Variants in COL6A2 observed in about 807,000 individuals in gnomAD.
COL6A2 encodes collagen type VI alpha 2 chain.
COL6A2 carries 90 observed loss-of-function variants against 124.9 expected under a neutral mutation model. The observed-to-expected ratio is 0.72, with a 90% CI of 0.61 to 0.86. The LOEUF is 0.86. COL6A2 is among the 40% of genes least tolerant of loss of function. The pLI, the probability that COL6A2 is intolerant of heterozygous loss-of-function variation, is 0.00. For synonymous variants in COL6A2, 793 were observed against 618.2 expected (o/e 1.28, Z -4.19); for missense variants, 1,607 against 1,502.5 (o/e 1.07, Z -1.15).
At chr21:46,126,625 G>C (rs2078674047) in intron 27 of COL6A2, 84 bp downstream of exon 27, 1 of 1,561,424 alleles carries the variant, frequency 6.4e-7, no homozygotes, top group Non-Finnish European at 8.8e-7. Context: ...GGCTGGGGGA[G>C]GGGCCGTGCA....
At position 46,126,052 on chromosome 21, in the gene COL6A2, C is replaced by T. The variant is rs761863452; in HGVS notation, c.2237C>T (p.Ala746Val). The T allele has an allele frequency of 9.3e-6, 15 of 1,613,024 alleles. No individual in the cohort carries two copies. The highest frequency in any genetic ancestry group is 1.0e-5 in the Non-Finnish European group (12 of 1,180,012). Reference sequence around the variant, plus strand: ...CGGGACGATGACCTCAACTTGCGGGCGCTGTGCGACCGCGACGTCACAGTG... The same window carrying T: ...CGGGACGATGACCTCAACTTGCGGGTGCTGTGCGACCGCGACGTCACAGTG... The part of the protein sequence containing the change: ...DPRDDDLNLR[A>V]LCDRDVTVTA... The change falls in exon 26 of 28, where the codon GCG becomes GTG. Residue 746 changes from alanine to valine, a missense_variant. By Grantham distance (64) the Ala-to-Val change is moderately conservative. Around this residue, in one of 3 missense-constraint regions of COL6A2, gnomAD observed 1,223 missense variants for 1,052.2 expected, o/e 1.16. Coordinates refer to ENST00000300527, the MANE Select transcript of COL6A2 (RefSeq NM_001849.4).
At chr21:46,122,240 C>A in intron 19 of COL6A2, 82 bp downstream of exon 19, 1 of 1,484,912 alleles carries the variant, frequency 6.7e-7, no homozygotes. Context: ...GTAGTTCCCT[C>A]AAGGCCTCCT....
At chr21:46,131,495 G>A (rs2078759323) in intron 27 of COL6A2, among the ~76,000 whole-genome samples, 1 of 152,230 alleles carries the variant, frequency 6.6e-6, no homozygotes, top group South Asian at 2.1e-4. Context: ...GCCAGCTCTA[G>A]GTGTTCTGAG....
intron 21 of COL6A2, 115 bp from the exon 22 acceptor site, chr21:46,124,536 A>G (rs2078628628): frequency 2.9e-6 from 2 of 689,368 alleles, no homozygotes; most frequent in African/African-American, 7.2e-5. Flanking sequence ...TGCACCTGTT[A>G]GCCCCCCCCC....
intron 1 of COL6A2, among the ~76,000 whole-genome samples, chr21:46,109,791 C>T (rs564778353): frequency 1.3e-5 from 2 of 152,324 alleles, no homozygotes; most frequent in South Asian, 4.1e-4. Context: ...GCAGCGGGAA[C>T]AGGCACCTCC....
chr21:46,123,872 T>C (rs1211474699), intron 21 of COL6A2, among the ~76,000 whole-genome samples: 2 of 107,772 alleles, frequency 1.9e-5, no homozygotes, highest in African/African-American at 5.9e-5. Context: ...GGTTGGCAGA[T>C]GGATGGATGG....
At chr21:46,129,087 G>A (rs934366633) in intron 27 of COL6A2, 15 of 1,601,146 alleles carry the variant, frequency 9.4e-6, no homozygotes, top group East Asian at 4.5e-5. Flanking sequence ...CGACTCGCCA[G>A]CCCAAATGCC....
intron 13 of COL6A2, 59 bp from the exon 14 acceptor site, chr21:46,118,971 C>G: frequency 7.5e-7 from 1 of 1,331,814 alleles, no homozygotes; most frequent in African/African-American, 1.4e-5. Context: ...ACCGCACAGG[C>G]GTGACCATGC....
rs1459304231 is a variant in COL6A2 at position 46,132,632 on chromosome 21, C to G, written c.*80C>G. ...CTAAGCGGGCCCGGGTCCCACACGGCCAGCACCGCTGCTCACTCGGACGAC... is the reference window on the plus strand; with the variant it reads ...CTAAGCGGGCCCGGGTCCCACACGGGCAGCACCGCTGCTCACTCGGACGAC... On this transcript the variant is annotated 3_prime_UTR_variant, in exon 28 of 28. Transcript: ENST00000300527. The G allele has an allele frequency of 1.5e-6, 2 of 1,356,420 alleles. No homozygotes were observed. Among genetic ancestry groups the G allele is most frequent in the African/African-American group, 1.4e-5 (1 of 69,456 alleles). The allele number at this position is 1,356,420 out of a possible 1,614,324, so 84.0% of individuals were successfully genotyped here.
rs867782576 is a variant in COL6A2, at chr21:46,132,014, C to T, written c.2522C>T (p.Ser841Phe). The T allele has an allele frequency of 6.2e-7, 1 of 1,610,150 alleles. No individual in the cohort carries two copies. The highest frequency in any genetic ancestry group is 8.5e-7 in the Non-Finnish European group (1 of 1,179,458). ...PVDIVFLLDGSERLGEQNFHK... is the reference protein window; with the variant it reads ...PVDIVFLLDGFERLGEQNFHK... The stretch of plus-strand genomic sequence containing the variant: ...GACATCGTCTTCCTGCTGGACGGCT[C>T]CGAGCGGCTGGGTGAGCAGAACTTC... The change falls in exon 28 of 28, where the codon TCC becomes TTC. Residue 841 changes from serine to phenylalanine, a missense_variant. Coordinates refer to ENST00000300527, the MANE Select transcript of COL6A2 (RefSeq NM_001849.4).
Position 46,132,261 on chromosome 21 carries a change from C to CGCCATCAAT in COL6A2, c.2776_2784dup (p.Asn926_Ile928dup), listed in dbSNP as rs780876483. ...CGCACGTGGGCGCAGGCGTGGTGCA[C>CGCCATCAAT]GCCATCAATGCCATCGTGCGCAGCC... On this transcript the variant is annotated inframe_insertion, in exon 28 of 28. Coordinates refer to ENST00000300527, the MANE Select transcript of COL6A2 (RefSeq NM_001849.4). 3.7e-6 allele frequency: 6 copies of CGCCATCAAT among 1,606,210 alleles called. No individual in the cohort carries two copies. In the East Asian group the frequency reaches 1.3e-4, roughly 36 times the overall value.
intron 27 of COL6A2, among the ~76,000 whole-genome samples, chr21:46,130,513 C>G (rs1601262604): frequency 6.6e-6 from 1 of 152,158 alleles, no homozygotes; most frequent in African/African-American, 2.4e-5. Context: ...CCAGGCTGGT[C>G]TTCCCACTGT....
At chr21:46,122,263 A>T in intron 19 of COL6A2, 105 bp downstream of exon 19, 1 of 1,365,408 alleles carries the variant, frequency 7.3e-7, no homozygotes, top group Non-Finnish European at 1.0e-6. Flanking sequence ...GTGCAGAAGA[A>T]AGTGTGAGGT....
Position 46,119,826 on chromosome 21 carries a change from C to T in COL6A2, c.1308C>T (p.Gly436=). Residue 436 remains glycine, a synonymous_variant, in exon 15 of 28, where the codon GGC becomes GGT. Coordinates refer to ENST00000300527, the MANE Select transcript of COL6A2 (RefSeq NM_001849.4). Reference sequence around the variant, plus strand: ...ACCCCGGCACCAAGGGCAGCCCAGGCAGCGATGGCCCCAAGGGGGAGAAGG... The same window carrying T: ...ACCCCGGCACCAAGGGCAGCCCAGGTAGCGATGGCCCCAAGGGGGAGAAGG... The part of the protein sequence containing the change: ...RGDPGTKGSP[G]SDGPKGEKGD... The T allele has an allele frequency of 6.4e-7, 1 of 1,562,856 alleles. No homozygotes were observed. The highest frequency in any genetic ancestry group is 8.7e-7 in the Non-Finnish European group (1 of 1,153,118).
At chr21:46,131,694 G>A (rs1009888640) in intron 27 of COL6A2, among the ~76,000 whole-genome samples, 1 of 152,182 alleles carries the variant, frequency 6.6e-6, no homozygotes, top group Non-Finnish European at 1.5e-5. Context: ...TCAGCAGGTG[G>A]ACAGGGCCTG....
In COL6A2 at chr21:46,132,607, C is replaced by G. The variant is rs892887948; in HGVS notation, c.*55C>G. Reference sequence around the variant, plus strand: ...TCGTGAGCCCACCCCGTCCATGGTGCTAAGCGGGCCCGGGTCCCACACGGC... The same window carrying G: ...TCGTGAGCCCACCCCGTCCATGGTGGTAAGCGGGCCCGGGTCCCACACGGC... On this transcript the variant is annotated 3_prime_UTR_variant, in exon 28 of 28. Transcript: ENST00000300527. 1 of 1,504,706 alleles carries G rather than the reference C, an allele frequency of 6.6e-7. No homozygotes were observed. Among genetic ancestry groups the G allele is most frequent in the East Asian group, 2.4e-5 (1 of 41,242 alleles). 93.2% of individuals were successfully genotyped at this position (1,504,706 alleles called of 1,614,324 possible).
rs145140058 is a variant in COL6A2, at chr21:46,125,974, G to A, written c.2159G>A (p.Arg720His). Residue 720 changes from arginine to histidine, a missense_variant, in exon 26 of 28, where the codon CGC becomes CAC. Arg to His is a conservative substitution (Grantham distance 29). Around this residue, in one of 3 missense-constraint regions of COL6A2, gnomAD observed 1,223 missense variants for 1,052.2 expected, o/e 1.16. Coordinates refer to ENST00000300527, the MANE Select transcript of COL6A2 (RefSeq NM_001849.4). The stretch of plus-strand genomic sequence containing the variant: ...GACCGCCTCATCAAGGAGAGCCGGC[G>A]CCAGAAGACACGTGTGTTTGCGGTG... ...AYDRLIKESR[R>H]QKTRVFAVVI... 3.3e-5 allele frequency: 54 copies of A among 1,612,968 alleles called. No individual in the cohort carries two copies. Among genetic ancestry groups the A allele is most frequent in the Middle Eastern group, 1.6e-4 (1 of 6,082 alleles).
chr21:46,131,592 G>A (rs918615935), intron 27 of COL6A2, among the ~76,000 whole-genome samples: 2 of 152,208 alleles, frequency 1.3e-5, no homozygotes, highest in African/African-American at 4.8e-5. Context: ...TACACAGACA[G>A]TGGCCCTTTT....
intron 27 of COL6A2, chr21:46,129,787 A>C (rs1292703324): frequency 1.6e-6 from 2 of 1,275,444 alleles, no homozygotes; most frequent in African/African-American, 3.0e-5. Context: ...TGACCTCGCA[A>C]GACCCTTAAC....
Sources: gnomAD v4.1 joint callset for allele counts (sites outside exome capture counted in the v4.1 genomes callset) on GRCh38, gnomAD v4.1.1 for gene constraint, gnomAD v4.1.1 regional missense constraint, MANE v1.5 for transcripts, NCBI Gene and HGNC (gene_info 2026-07-23, HGNC 2026-07-21) for gene names.